Variants in RTN4RL1 observed in about 807,000 individuals in gnomAD.
RTN4RL1 encodes the protein reticulon-4 receptor-like 1.
A neutral mutation model predicts 25.6 loss-of-function variants in RTN4RL1; 7 were observed. The ratio of observed to expected loss-of-function variants is 0.27; its 90% CI spans 0.16 to 0.51. The LOEUF (loss-of-function observed/expected upper bound fraction) is 0.51. RTN4RL1 is among the 20% of genes least tolerant of loss of function. RTN4RL1 has a pLI of 0.97. For synonymous variants in RTN4RL1, 297 were observed against 288.2 expected, an observed-to-expected ratio of 1.03 and a Z score of -0.31; for missense variants, 500 against 615.6, an observed-to-expected ratio of 0.81 and a Z score of 1.99.
intron 1 of RTN4RL1, among the ~76,000 whole-genome samples, chr17:1,949,049 C>T (rs1306512622): frequency 4.0e-5 from 6 of 151,610 alleles, no homozygotes; most frequent in African/African-American, 7.3e-5. Context: ...CTCCGCCTCC[C>T]GGGTTCAAGG....
rs573003150 is a variant in RTN4RL1, at chr17:1,963,607, G to A, written c.14-25799C>T. Reference sequence around the variant, plus strand: ...TCACCTGGGCCTCTAGGATCAGAGCGGATTTTGAGGTGAGAAGGAGAACAA... The same window carrying A: ...TCACCTGGGCCTCTAGGATCAGAGCAGATTTTGAGGTGAGAAGGAGAACAA... On this transcript the variant is annotated intron_variant, in intron 1 of 1. Transcript: ENST00000331238. Among the ~76,000 whole-genome samples the A allele has an allele frequency of 4.6e-5, 7 of 152,350 alleles. No homozygotes were observed. In the East Asian group the frequency reaches 1.4e-3, roughly 29 times the overall value.
At chr17:2,001,612 C>T (rs1010563320) in intron 1 of RTN4RL1, 1 of 152,264 alleles carries the variant, frequency 6.6e-6, no homozygotes, top group Admixed American at 6.6e-5. Context: ...AACTGAGACT[C>T]AAGTGCTTGT....
intron 1 of RTN4RL1, among the ~76,000 whole-genome samples, chr17:1,958,720 C>T (rs967256732): frequency 1.3e-5 from 2 of 152,196 alleles, no homozygotes; most frequent in Non-Finnish European, 1.5e-5. Flanking sequence ...CAGCAGCGTG[C>T]GGGCCGGCCG....
At position 1,936,611 on chromosome 17, in the gene RTN4RL1, C is replaced by G; in HGVS notation, c.1211G>C (p.Cys404Ser). 6.3e-7 allele frequency: 1 copy of G among 1,591,056 alleles called. No individual in the cohort carries two copies. Reference sequence around the variant, plus strand: ...GGCACGGATGGGGGTCCTGCGGGCACACTTGCCCTTCCTCTTGGGCCGGGC... The same window carrying G: ...GGCACGGATGGGGGTCCTGCGGGCAGACTTGCCCTTCCTCTTGGGCCGGGC... ...PTARPKRKGK[C>S]ARRTPIRAPS... Residue 404 changes from cysteine (C) to serine (S), a missense_variant, in exon 2 of 2, where the codon TGT becomes TCT. By Grantham distance (112) the Cys-to-Ser change is moderately radical (BLOSUM62 -1). Coordinates refer to ENST00000331238, the MANE Select transcript of RTN4RL1 (RefSeq NM_178568.4).
At chr17:1,976,234 G>A (rs978446524) in intron 1 of RTN4RL1, among the ~76,000 whole-genome samples, 4 of 152,358 alleles carry the variant, frequency 2.6e-5, no homozygotes, top group Non-Finnish European at 4.4e-5. Flanking sequence ...GCCACGAGAA[G>A]GCCCAGGGGC....
chr17:1,984,954 C>G (rs138426140), intron 1 of RTN4RL1, among the ~76,000 whole-genome samples: 5 of 150,440 alleles, frequency 3.3e-5, no homozygotes, highest in Non-Finnish European at 7.4e-5. Context: ...GCAACAAGAG[C>G]GAAACTCCAT....
chr17:1,936,483 A>G lies in RTN4RL1; in HGVS notation c.*13T>C. The G allele has an allele frequency of 6.5e-7, 1 of 1,532,998 alleles. No individual in the cohort carries two copies. The highest frequency in any genetic ancestry group is 8.7e-7 in the Non-Finnish European group (1 of 1,144,684). 95.0% of individuals were successfully genotyped at this position (1,532,998 alleles called of 1,614,324 possible). A position where few individuals can be genotyped will look rare whatever the true frequency, so the allele number is the denominator to read the frequency against. ...GGACATGTGGCAGTGCTGGGTGCTG[A>G]CGCCCTGGGTCCTCAGCGGAGAGTG... On this transcript the variant is annotated 3_prime_UTR_variant, in exon 2 of 2. Transcript: ENST00000331238.
intron 1 of RTN4RL1, among the ~76,000 whole-genome samples, chr17:2,013,774 C>T (rs1224351895): frequency 1.6e-5 from 2 of 121,348 alleles, no homozygotes; most frequent in Admixed American, 1.7e-4. Flanking sequence ...ACCCCAGCTC[C>T]CTCACCCTGG....
At position 1,987,718 on chromosome 17, in the gene RTN4RL1, GACACACACACACACACAC is replaced by G. The variant is rs59658751; in HGVS notation, c.13+37117_13+37134del. The stretch of plus-strand genomic sequence containing the variant: ...CACTGCAGATGTGTGTGAGTTCAGG[GACACACACACACACACAC>G]ACACACACACACACACACACACACA... On this transcript the variant is annotated intron_variant, in intron 1 of 1. Transcript: ENST00000331238. Among the ~76,000 whole-genome samples the G allele has an allele frequency of 9.4e-4, 137 of 145,192 alleles. 2 individuals carry two copies. The highest frequency in any genetic ancestry group is 4.2e-3 in the South Asian group (18 of 4,292).
intron 1 of RTN4RL1, among the ~76,000 whole-genome samples, chr17:1,960,390 A>T (rs1267578922): frequency 2.0e-5 from 3 of 151,888 alleles, no homozygotes; most frequent in Non-Finnish European, 4.4e-5. Flanking sequence ...CACCAGAATA[A>T]AATGCAGGCT....
rs1915278546 is a variant in RTN4RL1 at position 1,935,611 on chromosome 17, A to G, written c.*885T>C. 3 of 983,010 alleles carry G rather than the reference A, an allele frequency of 3.1e-6. No homozygotes were observed. The highest frequency in any genetic ancestry group is 1.8e-5 in the African/African-American group (1 of 56,956). The allele number at this position is 983,010 out of a possible 1,614,324, so 60.9% of individuals were successfully genotyped here. On this transcript the variant is annotated 3_prime_UTR_variant, in exon 2 of 2. Transcript: ENST00000331238. Reference sequence around the variant, plus strand: ...ACTTTGTTTTTGCTAGAAATCACCAATACAATCCTTAGTTCAGCAAATACA... The same window carrying G: ...ACTTTGTTTTTGCTAGAAATCACCAGTACAATCCTTAGTTCAGCAAATACA...
chr17:2,023,691 C>T (rs1448500442), intron 1 of RTN4RL1: 119 of 147,782 alleles, frequency 8.1e-4, no homozygotes, highest in African/African-American at 2.8e-3. Flanking sequence ...CCTCCCCCCC[C>T]TCCACCCCCT....
At chr17:1,940,578 G>A (rs146591120) in intron 1 of RTN4RL1, among the ~76,000 whole-genome samples, 155 of 152,142 alleles carry the variant, frequency 1.0e-3, no homozygotes, top group African/African-American at 3.5e-3. Flanking sequence ...GGGGTGTGTT[G>A]GGGGAGGAAC....
At chr17:2,015,782 C>T (rs934364442) in intron 1 of RTN4RL1, among the ~76,000 whole-genome samples, 5 of 152,132 alleles carry the variant, frequency 3.3e-5, no homozygotes, top group East Asian at 1.9e-4. Context: ...GCCGAGCGGC[C>T]GCAAGGGGTC....
intron 1 of RTN4RL1, among the ~76,000 whole-genome samples, chr17:1,953,531 T>C (rs554636649): frequency 6.6e-6 from 1 of 151,660 alleles, no homozygotes; most frequent in African/African-American, 2.4e-5. Context: ...GTGCACATGT[T>C]CCCTAGAACT....
intron 1 of RTN4RL1, among the ~76,000 whole-genome samples, chr17:1,938,464 G>A (rs1393878036): frequency 6.6e-6 from 1 of 151,750 alleles, no homozygotes; most frequent in Non-Finnish European, 1.5e-5. Context: ...ATCACGCCCA[G>A]GTAGTTTTTG....
intron 1 of RTN4RL1, among the ~76,000 whole-genome samples, chr17:1,996,837 C>T (rs896586326): frequency 7.2e-5 from 11 of 152,176 alleles, no homozygotes; most frequent in African/African-American, 1.7e-4. Flanking sequence ...GGAGACAGGA[C>T]GGGGGCCACC....
intron 1 of RTN4RL1, among the ~76,000 whole-genome samples, chr17:1,978,168 C>G (rs908180922): frequency 3.9e-5 from 6 of 152,228 alleles, no homozygotes; most frequent in African/African-American, 1.4e-4. Context: ...CCCTGCTGGG[C>G]TGCATTTAAC....
chr17:1,973,058 C>T (rs1463457846), intron 1 of RTN4RL1, among the ~76,000 whole-genome samples: 1 of 152,090 alleles, frequency 6.6e-6, no homozygotes, highest in Non-Finnish European at 1.5e-5. Flanking sequence ...CTTTTGTTTC[C>T]CAATAACAAC....
Sources: gnomAD v4.1 joint callset for allele counts (sites outside exome capture counted in the v4.1 genomes callset) on GRCh38, gnomAD v4.1.1 for gene constraint, MANE v1.5 for transcripts, NCBI Gene and HGNC (gene_info 2026-07-23, HGNC 2026-07-21) for gene names.